The following REEP1 variants were observed in gnomAD, a reference collection of about 807,000 sequenced individuals.
REEP1 encodes receptor expression-enhancing protein 1.
A neutral mutation model predicts 40.3 loss-of-function variants in REEP1; 22 were observed. That is an observed-to-expected ratio of 0.55 (90% CI 0.39 to 0.78). REEP1 has a LOEUF of 0.78. REEP1 is among the 30% of genes least tolerant of loss of function. The pLI is 0.00. For synonymous variants in REEP1, 116 were observed against 139.2 expected, an observed-to-expected ratio of 0.83 and a Z score of 1.17; for missense variants, 280 against 361.1, an observed-to-expected ratio of 0.78 and a Z score of 1.82.
chr2:86,264,763 C>G (rs13418778), intron 2 of REEP1, among the ~76,000 whole-genome samples: 5,836 of 152,172 alleles, frequency 0.038, 390 homozygotes, highest in African/African-American at 0.13. Flanking sequence ...TAATAAACAC[C>G]AAACAAAATA....
chr2:86,332,490 CTCAT>C (rs1680821934), intron 1 of REEP1, among the ~76,000 whole-genome samples: 2 of 151,860 alleles, frequency 1.3e-5, no homozygotes, highest in Non-Finnish European at 2.9e-5. Flanking sequence ...CTCACATACA[CTCAT>C]ACGTACACAA....
chr2:86,329,768 G>A (rs1416310784), intron 1 of REEP1, among the ~76,000 whole-genome samples: 1 of 152,078 alleles, frequency 6.6e-6, no homozygotes, highest in Non-Finnish European at 1.5e-5. Context: ...GAGGAGTGAG[G>A]TCCTGACTCA....
chr2:86,337,642 C>T, upstream of REEP1: 2 of 1,063,554 alleles, frequency 1.9e-6, no homozygotes, highest in Non-Finnish European at 2.3e-6. This position sits in a 1 kb window ranked among gnomAD's most constrained non-coding sequence, Gnocchi z 5.8. Flanking sequence ...CGCCCGCCGC[C>T]CTGCCCGGCG....
chr2:86,270,179 G>A (rs1057360888), intron 2 of REEP1, among the ~76,000 whole-genome samples: 12 of 36,510 alleles, frequency 3.3e-4, no homozygotes, highest in East Asian at 0.012. Flanking sequence ...TCTTTTGTTT[G>A]TTTGTTTGTT....
chr2:86,238,583 C>G (rs1006184432), intron 5 of REEP1, among the ~76,000 whole-genome samples: 1 of 152,146 alleles, frequency 6.6e-6, no homozygotes, highest in African/African-American at 2.4e-5. Context: ...AGTGGGAAAT[C>G]CCCACCTCAG....
intron 8 of REEP1, among the ~76,000 whole-genome samples, chr2:86,219,216 T>G (rs1674283903): frequency 1.3e-5 from 2 of 152,192 alleles, no homozygotes; most frequent in South Asian, 4.1e-4. Flanking sequence ...GAATAGCTAC[T>G]TTATACCAGG....
chr2:86,293,788 C>T (rs1678846848), intron 1 of REEP1, among the ~76,000 whole-genome samples: 1 of 152,188 alleles, frequency 6.6e-6, no homozygotes. Context: ...ATTTCCCCAT[C>T]TGTTAAAATC....
chr2:86,218,272 G>A (rs1674235219), intron 8 of REEP1, among the ~76,000 whole-genome samples: 1 of 152,198 alleles, frequency 6.6e-6, no homozygotes, highest in African/African-American at 2.4e-5. Flanking sequence ...TTTGCACCCA[G>A]TGGGAAGGGA....
At chr2:86,278,165 A>G (rs937956312) in intron 2 of REEP1, among the ~76,000 whole-genome samples, 9 of 152,224 alleles carry the variant, frequency 5.9e-5, no homozygotes, top group Non-Finnish European at 1.2e-4. Flanking sequence ...TCTTTTAACA[A>G]AAGACACAAA....
At chr2:86,307,201 CA>C (rs11289279) in intron 1 of REEP1, among the ~76,000 whole-genome samples, 7,045 of 108,480 alleles carry the variant, frequency 0.065, 415 homozygotes, top group African/African-American at 0.18. Flanking sequence ...AATACTGTGT[CA>C]AAAAAAAAAA....
chr2:86,298,179 G>A (rs1464462997), intron 1 of REEP1, among the ~76,000 whole-genome samples: 1 of 152,194 alleles, frequency 6.6e-6, no homozygotes, highest in African/African-American at 2.4e-5. Context: ...TTGGTTTGGG[G>A]AATGGTGGAA....
At chr2:86,284,919 T>C (rs1004339169) in intron 1 of REEP1, among the ~76,000 whole-genome samples, 1 of 152,216 alleles carries the variant, frequency 6.6e-6, no homozygotes, top group African/African-American at 2.4e-5. Context: ...TTTCGGTTTC[T>C]AAAAGCTCAG....
chr2:86,293,888 T>C (rs1678850500), intron 1 of REEP1, among the ~76,000 whole-genome samples: 3 of 152,176 alleles, frequency 2.0e-5, no homozygotes, highest in African/African-American at 4.8e-5. Flanking sequence ...AGCCAAAAGA[T>C]GGAAGCAATC....
intron 1 of REEP1, among the ~76,000 whole-genome samples, chr2:86,321,568 G>A (rs1478701349): frequency 2.6e-5 from 4 of 151,908 alleles, no homozygotes; most frequent in African/African-American, 4.8e-5. Context: ...TTAGCAAATC[G>A]CCTCCAGGAT....
At chr2:86,327,751 T>G (rs1680583056) in intron 1 of REEP1, among the ~76,000 whole-genome samples, 1 of 152,060 alleles carries the variant, frequency 6.6e-6, no homozygotes, top group Non-Finnish European at 1.5e-5. Flanking sequence ...GTATTTTTAG[T>G]GCAGACGGGA....
intron 2 of REEP1, among the ~76,000 whole-genome samples, chr2:86,266,326 T>G (rs1369020281): frequency 3.9e-5 from 6 of 152,242 alleles, no homozygotes; most frequent in African/African-American, 4.8e-5. Flanking sequence ...TTCTTAGATG[T>G]ACTACCAAAA....
chr2:86,337,229 A>C lies in REEP1; in HGVS notation c.32+250T>G. The C allele has an allele frequency of 4.4e-6, 1 of 225,140 alleles. No individual in the cohort carries two copies. 13.9% of individuals were successfully genotyped at this position (225,140 alleles called of 1,614,324 possible). ...CCCCCACGGAACCCCCGAGCGCCCC[A>C]GCCCTCGCCGTCCCGGCCCAGCCCC... On this transcript the variant is annotated intron_variant, in intron 1 of 8. Transcript: ENST00000538924. This position sits in a 1 kb window ranked among gnomAD's most constrained non-coding sequence, Gnocchi z 5.8.
chr2:86,305,214 G>A (rs1338314830), intron 1 of REEP1, among the ~76,000 whole-genome samples: 1 of 152,208 alleles, frequency 6.6e-6, no homozygotes, highest in East Asian at 1.9e-4. Flanking sequence ...AACAGTCCAG[G>A]AGCTGGGCCA....
At chr2:86,299,399 C>G (rs1311992405) in intron 1 of REEP1, among the ~76,000 whole-genome samples, 1 of 152,190 alleles carries the variant, frequency 6.6e-6, no homozygotes, top group East Asian at 1.9e-4. Flanking sequence ...AAAAACATCT[C>G]CAGACACCAC....
Sources: allele counts gnomAD v4.1 joint callset (sites outside exome capture counted in the v4.1 genomes callset), GRCh38; gene constraint gnomAD v4.1.1; non-coding constraint Gnocchi (gnomAD v3.1); transcripts MANE v1.5; gene names NCBI Gene and HGNC (gene_info 2026-07-23, HGNC 2026-07-21).